ATP13A4: variants seen among roughly 807,000 people sequenced by gnomAD.
ATP13A4 encodes probable cation-transporting ATPase 13A4.
A neutral mutation model predicts 142.5 loss-of-function variants in ATP13A4; 114 were observed. The observed-to-expected ratio is 0.80, with a 90% CI of 0.69 to 0.93. The LOEUF (loss-of-function observed/expected upper bound fraction) is 0.93, where lower values mean the gene tolerates loss of function less well. Ranked by LOEUF, ATP13A4 falls within the 40% of genes least tolerant of loss-of-function variation. The probability of loss-of-function intolerance (pLI) is 0.00; values close to 1 mark genes in which losing one functional copy is unlikely to be tolerated. For missense variants in ATP13A4, 1,392 were observed against 1,454.0 expected (o/e 0.96, Z 0.69); for synonymous variants, 488 against 514.8 (o/e 0.95, Z 0.70).
chr3:193,400,340 C>A lies in ATP13A4; in HGVS notation c.*2312G>T, dbSNP rs1035888489. Among the ~76,000 whole-genome samples, 1 of 152,204 alleles carries A rather than the reference C, an allele frequency of 6.6e-6. No homozygotes were observed. Among genetic ancestry groups the A allele is most frequent in the African/African-American group, 2.4e-5 (1 of 41,446 alleles). On this transcript the variant is annotated 3_prime_UTR_variant, in exon 30 of 30. Coordinates refer to ENST00000342695, the MANE Select transcript of ATP13A4 (RefSeq NM_032279.4). ...TCTTTTCTTCCTGTTCCCTGCCAGC[C>A]TTTGCTAGTGATAGAATCACTTAGG...
intron 2 of ATP13A4, among the ~76,000 whole-genome samples, chr3:193,573,299 A>ATATATTCT (rs1724321932): frequency 1.3e-5 from 1 of 78,596 alleles, no homozygotes; most frequent in African/African-American, 6.5e-5. Flanking sequence ...ACACATATAT[A>ATATATTCT]TATATATACA....
At chr3:193,404,019 C>T (rs1265574264) in intron 29 of ATP13A4, 2 of 985,316 alleles carry the variant, frequency 2.0e-6, no homozygotes, top group Non-Finnish European at 2.4e-6. Flanking sequence ...CCTGTGATAA[C>T]TGACCATCTG....
At chr3:193,573,772 G>A (rs749963538) in intron 2 of ATP13A4, among the ~76,000 whole-genome samples, 15 of 152,070 alleles carry the variant, frequency 9.9e-5, no homozygotes, top group African/African-American at 3.4e-4. Flanking sequence ...TTCCAAAATC[G>A]ATTATTTATA....
chr3:193,475,417 T>G (rs1160435976), intron 8 of ATP13A4, among the ~76,000 whole-genome samples: 2 of 152,022 alleles, frequency 1.3e-5, no homozygotes, highest in African/African-American at 4.8e-5. Context: ...ACGTTTGATA[T>G]ACCTCTATTC....
chr3:193,529,128 G>A (rs1364003928), intron 1 of ATP13A4, among the ~76,000 whole-genome samples: 1 of 152,040 alleles, frequency 6.6e-6, no homozygotes, highest in Non-Finnish European at 1.5e-5. Flanking sequence ...AAATTAGCCG[G>A]CAATGGTGGC....
intron 2 of ATP13A4, among the ~76,000 whole-genome samples, chr3:193,578,216 C>T (rs975058983): frequency 7.2e-5 from 11 of 152,034 alleles, no homozygotes; most frequent in Admixed American, 1.3e-4. Context: ...TTACTTGAAC[C>T]GAGGAGACGG....
rs1714259118 is a variant in ATP13A4 at position 193,401,448 on chromosome 3, C to T, written c.*1204G>A. ...CTCCCATCAATAGTGCCATATAATG[C>T]TGTAGCATGAGACTAATGTTTCTCA... On this transcript the variant is annotated 3_prime_UTR_variant, in exon 30 of 30. Transcript: ENST00000342695. Among the ~76,000 whole-genome samples the T allele has an allele frequency of 6.6e-6, 1 of 152,094 alleles. No homozygotes were observed. The highest frequency in any genetic ancestry group is 2.1e-4 in the South Asian group (1 of 4,820).
At chr3:193,565,290 G>T (rs1365992928) in intron 2 of ATP13A4, among the ~76,000 whole-genome samples, 1 of 152,154 alleles carries the variant, frequency 6.6e-6, no homozygotes, top group South Asian at 2.1e-4. Flanking sequence ...GAAGTTAGGT[G>T]AAATAATGCA....
chr3:193,580,178 C>A (rs532487851), intron 2 of ATP13A4, among the ~76,000 whole-genome samples: 2 of 152,170 alleles, frequency 1.3e-5, no homozygotes, highest in African/African-American at 4.8e-5. Flanking sequence ...TTCCTACAAC[C>A]TCTCCTGCTG....
In ATP13A4 at chr3:193,447,741, C is replaced by A. The variant is rs149917810; in HGVS notation, c.2152+465G>T. On this transcript the variant is annotated intron_variant, in intron 18 of 29. Coordinates refer to ENST00000342695, the MANE Select transcript of ATP13A4 (RefSeq NM_032279.4). ...TTGGGATTGGGAGTAGAGAGGACAT[C>A]ATTTTCTTAAATTTCTAGAATCGTG... is the stretch of plus-strand genomic sequence containing the variant. Among the ~76,000 whole-genome samples, 661 of 152,246 alleles carry A rather than the reference C, an allele frequency of 4.3e-3. 9 individuals are homozygous for A. Among genetic ancestry groups the A allele is most frequent in the African/African-American group, 0.015 (613 of 41,532 alleles).
At chr3:193,582,213 A>C (rs1187037255) in intron 1 of ATP13A4, among the ~76,000 whole-genome samples, 1 of 143,258 alleles carries the variant, frequency 7.0e-6, no homozygotes, top group Admixed American at 7.4e-5. Flanking sequence ...CAATGGCATG[A>C]TCTCAGCTCA....
intron 3 of ATP13A4, among the ~76,000 whole-genome samples, chr3:193,501,070 C>G (rs561927364): frequency 8.5e-5 from 13 of 152,298 alleles, no homozygotes; most frequent in Admixed American, 7.2e-4. Context: ...AAGACCTCTG[C>G]CCCTCCTACA....
Position 193,483,625 on chromosome 3 carries a change from C to T in ATP13A4, c.808+311G>A, listed in dbSNP as rs548628502. ...GACTACAGGCGCTCGCCACCACGCC[C>T]GGCTAATTTTTTGTATTTTTGGTAG... is the stretch of plus-strand genomic sequence containing the variant. On this transcript the variant is annotated intron_variant, in intron 8 of 29. Transcript: ENST00000342695. 1.2e-4 allele frequency among the ~76,000 whole-genome samples: 18 copies of T among 152,060 alleles called. 2 individuals are homozygous for T. Among genetic ancestry groups the T allele is most frequent in the African/African-American group, 3.1e-4 (13 of 41,490 alleles).
chr3:193,454,192 C>A lies in ATP13A4; in HGVS notation c.1936G>T (p.Glu646Ter). ...CCCTGTGTCGTGTAAATCTGAAGTT[C>A]GCTAACAAAACTAGTGGGTACTGTT... ...PETVPTSFVS[E>*]LQIYTTQGFR... The change falls in exon 17 of 30, where the codon GAA becomes TAA. Residue 646 changes from glutamate to a stop codon, truncating the protein, a stop_gained. Coordinates refer to ENST00000342695, the MANE Select transcript of ATP13A4 (RefSeq NM_032279.4). LOFTEE classifies it high-confidence loss of function. The A allele has an allele frequency of 6.2e-7, 1 of 1,613,474 alleles. No homozygotes were observed. Among genetic ancestry groups the A allele is most frequent in the Non-Finnish European group, 8.5e-7 (1 of 1,179,464 alleles).
Position 193,554,887 on chromosome 3 carries a change from C to T in ATP13A4, c.-88G>A. On this transcript the variant is annotated 5_prime_UTR_variant, in exon 1 of 30. Coordinates refer to ENST00000342695, the MANE Select transcript of ATP13A4 (RefSeq NM_032279.4). Reference sequence around the variant, plus strand: ...AACTCGCCGAGCCACCGCAGCTCCTCAGCTGACTAAAAGAGTTAATGATCC... The same window carrying T: ...AACTCGCCGAGCCACCGCAGCTCCTTAGCTGACTAAAAGAGTTAATGATCC... The T allele has an allele frequency of 6.2e-7, 1 of 1,612,262 alleles. No individual in the cohort carries two copies. The highest frequency in any genetic ancestry group is 2.2e-5 in the East Asian group (1 of 44,856).
rs1009037095 is a variant in ATP13A4 at position 193,411,965 on chromosome 3, G to A, written c.3208+213C>T. Among the ~76,000 whole-genome samples the A allele has an allele frequency of 7.2e-5, 11 of 152,174 alleles. No homozygotes were observed. In the South Asian group the frequency reaches 1.5e-3, roughly 20 times the overall value. On this transcript the variant is annotated intron_variant, in intron 27 of 29. Coordinates refer to ENST00000342695, the MANE Select transcript of ATP13A4 (RefSeq NM_032279.4). ...GAGGCAAACTTCTGGCGAAGGAAAG[G>A]GAGAAAGAAGCCCTAGTATTTAATG...
At chr3:193,498,178 C>T (rs897345280) in intron 3 of ATP13A4, among the ~76,000 whole-genome samples, 1 of 150,890 alleles carries the variant, frequency 6.6e-6, no homozygotes, top group Non-Finnish European at 1.5e-5. Flanking sequence ...TCACACTGTA[C>T]CCCATAAATA....
At chr3:193,563,117 A>G (rs1457060455) in intron 2 of ATP13A4, among the ~76,000 whole-genome samples, 1 of 152,210 alleles carries the variant, frequency 6.6e-6, no homozygotes, top group Non-Finnish European at 1.5e-5. Flanking sequence ...TAGTGTTAGA[A>G]GTTGAACGGT....
chr3:193,401,538 A>G lies in ATP13A4; in HGVS notation c.*1114T>C, dbSNP rs1248664627. Among the ~76,000 whole-genome samples the G allele has an allele frequency of 6.6e-6, 1 of 152,156 alleles. No homozygotes were observed. Among genetic ancestry groups the G allele is most frequent in the Non-Finnish European group, 1.5e-5 (1 of 68,030 alleles). On this transcript the variant is annotated 3_prime_UTR_variant, in exon 30 of 30. Transcript: ENST00000342695. ...CCATGTGACATGAGAGATTCCTAAA[A>G]CATAGGATAAGTTACTGGGGTTAGG... is the stretch of plus-strand genomic sequence containing the variant.
Sources: allele counts gnomAD v4.1 joint callset (sites outside exome capture counted in the v4.1 genomes callset), GRCh38; gene constraint gnomAD v4.1.1; transcripts MANE v1.5; gene names NCBI Gene and HGNC (gene_info 2026-07-23, HGNC 2026-07-21).